Variants in PRRT4 observed in about 807,000 individuals in gnomAD.
PRRT4 encodes proline-rich transmembrane protein 4.
A neutral mutation model predicts 55.6 loss-of-function variants in PRRT4; 59 were observed. The ratio of observed to expected loss-of-function variants is 1.06; its 90% CI spans 0.86 to 1.32. The LOEUF (loss-of-function observed/expected upper bound fraction) is 1.32, where lower values mean the gene tolerates loss of function less well. PRRT4 is among the 40% of genes most tolerant of loss of function. The probability of loss-of-function intolerance (pLI) is 0.00; values close to 1 mark genes in which losing one functional copy is unlikely to be tolerated. For synonymous variants in PRRT4, 606 were observed against 601.8 expected, an observed-to-expected ratio of 1.01 and a Z score of -0.10; for missense variants, 1,217 against 1,222.0, an observed-to-expected ratio of 1.00 and a Z score of 0.06.
chr7:128,353,940 T>G (rs868285075), intron 4 of PRRT4, among the ~76,000 whole-genome samples: 2 of 152,144 alleles, frequency 1.3e-5, no homozygotes, highest in Non-Finnish European at 2.9e-5. Context: ...AGAGAAGAGT[T>G]GGGTAGAGTT....
upstream of PRRT4, among the ~76,000 whole-genome samples, chr7:128,361,865 T>C (rs897828697): frequency 6.6e-6 from 1 of 152,144 alleles, no homozygotes; most frequent in African/African-American, 2.4e-5. Flanking sequence ...CGCGCGCTCA[T>C]TCACCCAGCG....
chr7:128,357,496 C>T (rs1797140588), intron 4 of PRRT4, among the ~76,000 whole-genome samples: 1 of 152,168 alleles, frequency 6.6e-6, no homozygotes. Context: ...CAGCCAGCAT[C>T]CTTCCCCTGA....
intron 1 of PRRT4, 29 bp downstream of exon 1, chr7:128,361,532 G>C (rs1419663893): frequency 1.3e-5 from 2 of 152,956 alleles, no homozygotes; most frequent in Non-Finnish European, 2.9e-5. Context: ...AGCCGCCCCC[G>C]GCCCAGCCCC....
At chr7:128,352,654 G>A (rs943833544) in exon 5 of PRRT4, 2 of 1,536,630 alleles carry the variant, frequency 1.3e-6, no homozygotes, top group African/African-American at 2.7e-5. Context: ...GAGGTCATCT[G>A]GGCCAGAGAT....
chr7:128,351,619 G>A (rs1796973066), exon 5 of PRRT4: 7 of 1,511,162 alleles, frequency 4.6e-6, no homozygotes, highest in Admixed American at 2.1e-5. Flanking sequence ...CAGCAGCGGA[G>A]CCGCGTGGCC....
At chr7:128,359,698 A>G in exon 2 of PRRT4, 1 of 1,551,432 alleles carries the variant, frequency 6.4e-7, no homozygotes, top group Non-Finnish European at 8.7e-7. Flanking sequence ...GCAATTCCCA[A>G]AGGGGGTCAG....
downstream of PRRT4, chr7:128,350,561 A>G (rs1796933030): frequency 4.7e-6 from 2 of 426,646 alleles, no homozygotes; most frequent in South Asian, 2.4e-5. Flanking sequence ...AGTGGTGGTC[A>G]GGAGTGGAGC....
chr7:128,352,531 G>A lies in PRRT4; in HGVS notation c.1025C>T (p.Pro342Leu), dbSNP rs553243997. The change falls in exon 5 of 5, where the codon CCC becomes CTC. Residue 342 changes from proline to leucine, a missense_variant. Around this residue, in one of 3 missense-constraint regions of PRRT4, gnomAD observed 564 missense variants for 592.9 expected, o/e 0.95. Transcript: ENST00000535159. ...GGCCTCCAGGGTCAGGAAAAAGAGGGGCCTCGGCGCCTCGGGAGGCTGCCC... is the reference window on the plus strand; with the variant it reads ...GGCCTCCAGGGTCAGGAAAAAGAGGAGCCTCGGCGCCTCGGGAGGCTGCCC... 4.1e-5 allele frequency: 64 copies of A among 1,543,972 alleles called. No homozygotes were observed. The African/African-American group carries it at 7.9e-4, about 19-fold the overall frequency.
chr7:128,356,417 G>A (rs1293181968), intron 4 of PRRT4, among the ~76,000 whole-genome samples: 1 of 152,172 alleles, frequency 6.6e-6, no homozygotes, highest in African/African-American at 2.4e-5. Flanking sequence ...GTGTGAATGG[G>A]GACAGGTGGA....
chr7:128,361,688 T>G (rs1797263693), upstream of PRRT4: 1 of 152,454 alleles, frequency 6.6e-6, no homozygotes, highest in Non-Finnish European at 1.5e-5. Flanking sequence ...GGCAGCCGGC[T>G]CTGACGGCCC....
At chr7:128,352,635 G>C in exon 5 of PRRT4, 2 of 1,539,552 alleles carry the variant, frequency 1.3e-6, no homozygotes, top group Non-Finnish European at 1.7e-6. Flanking sequence ...CGAGGCTGGC[G>C]GGAGGAGAGA....
intron 1 of PRRT4, 108 bp from the exon 3 acceptor site, chr7:128,360,171 T>C (rs1025510391): frequency 5.3e-5 from 24 of 454,650 alleles, no homozygotes; most frequent in African/African-American, 4.6e-4. Context: ...GCAGGTAGTG[T>C]GGGCAGGATG....
exon 5 of PRRT4, chr7:128,351,504 G>C (rs770932631): frequency 2.5e-5 from 38 of 1,500,240 alleles, no homozygotes; most frequent in Non-Finnish European, 3.2e-5. Context: ...GGAGGTCTGG[G>C]CCTGGCCCTG....
exon 2 of PRRT4, chr7:128,359,417 A>C: frequency 6.8e-7 from 1 of 1,465,856 alleles, no homozygotes; most frequent in African/African-American, 1.4e-5. Flanking sequence ...TCGATGCCCA[A>C]GCGTGGGGGC....
In PRRT4 at chr7:128,351,424, G is replaced by GAGGA; in HGVS notation, c.2128_2131dup (p.Ser711PhefsTer66). ...GTCCACGGTGTAATCGCTGCAGGGAGAGGAAGCCGGGGACGGGGCCGGGTT... is the reference window on the plus strand; with the variant it reads ...GTCCACGGTGTAATCGCTGCAGGGAGAGGAAGGAAGCCGGGGACGGGGCCGGGTT... On this transcript the variant is annotated frameshift_variant, in exon 5 of 5. Coordinates refer to ENST00000535159, the Ensembl canonical transcript of PRRT4. LOFTEE classifies it high-confidence loss of function. 1 of 1,530,108 alleles carries GAGGA rather than the reference G, an allele frequency of 6.5e-7. No individual in the cohort carries two copies. Among genetic ancestry groups the GAGGA allele is most frequent in the Non-Finnish European group, 8.8e-7 (1 of 1,136,774 alleles). The allele number at this position is 1,530,108 out of a possible 1,614,324, so 94.8% of individuals were successfully genotyped here. A position where few individuals can be genotyped will look rare whatever the true frequency, so the allele number is the denominator to read the frequency against.
chr7:128,352,207 A>G, exon 5 of PRRT4: 1 of 1,522,474 alleles, frequency 6.6e-7, no homozygotes, highest in East Asian at 2.6e-5. Flanking sequence ...CAGGCAGGCC[A>G]GCCCCAGGCC....
chr7:128,351,875 C>T, exon 5 of PRRT4: 1 of 1,330,414 alleles, frequency 7.5e-7, no homozygotes, highest in Non-Finnish European at 9.5e-7. Context: ...GCCACCGGGG[C>T]CGTGCGCGCC....
rs1184757305 is a variant in PRRT4 at position 128,358,983 on chromosome 7, G to A, written c.757+166C>T. Among the ~76,000 whole-genome samples, 6 of 152,212 alleles carry A rather than the reference G, an allele frequency of 3.9e-5. No homozygotes were observed. The highest frequency in any genetic ancestry group is 2.6e-4 in the Admixed American group (4 of 15,284). ...AGCTACAAAGAGCAAACCAGATTCA[G>A]TATGGCAAAGAGAATACTCCTTCCG... On this transcript the variant is annotated intron_variant, in intron 3 of 4. Coordinates refer to ENST00000535159, the Ensembl canonical transcript of PRRT4. The surrounding 1 kb of genome is among the most constrained non-coding windows in gnomAD (Gnocchi z 4.4).
exon 5 of PRRT4, chr7:128,351,447 G>T: frequency 6.6e-7 from 1 of 1,523,960 alleles, no homozygotes. Context: ...ACGGGGCCGG[G>T]TTGGCCGCCG....
Sources: gnomAD v4.1 joint callset for allele counts (sites outside exome capture counted in the v4.1 genomes callset) on GRCh38, gnomAD v4.1.1 for gene constraint, gnomAD v4.1.1 regional missense constraint, Gnocchi (gnomAD v3.1) non-coding constraint, MANE v1.5 for transcripts, NCBI Gene and HGNC (gene_info 2026-07-23, HGNC 2026-07-21) for gene names.